ADK: variants seen among roughly 807,000 people sequenced by gnomAD.
ADK encodes N6,N6-dimethyladenosine kinase.
A neutral mutation model predicts 44.7 loss-of-function variants in ADK; 24 were observed. That is an observed-to-expected ratio of 0.54 (90% confidence interval 0.39 to 0.76). The LOEUF (loss-of-function observed/expected upper bound fraction) is 0.76, where lower values mean the gene tolerates loss of function less well. ADK is among the 30% of genes least tolerant of loss of function. The probability of loss-of-function intolerance (pLI) is 0.00; values close to 1 mark genes in which losing one functional copy is unlikely to be tolerated. For synonymous variants in ADK, 128 were observed against 142.6 expected, an observed-to-expected ratio of 0.90 and a Z score of 0.73; for missense variants, 321 against 425.1, an observed-to-expected ratio of 0.76 and a Z score of 2.15.
chr10:74,238,492 C>T (rs144217238), intron 3 of ADK, among the ~76,000 whole-genome samples: 4 of 152,054 alleles, frequency 2.6e-5, no homozygotes, highest in African/African-American at 9.6e-5. Flanking sequence ...TTTCTGGTAT[C>T]GTAATTATTC....
At chr10:74,559,889 G>A (rs1464318285) in intron 7 of ADK, among the ~76,000 whole-genome samples, 1 of 150,502 alleles carries the variant, frequency 6.6e-6, no homozygotes, top group African/African-American at 2.4e-5. Context: ...TTGTATTTGG[G>A]AAATAAATCC....
At chr10:74,479,277 G>C (rs1846976215) in intron 6 of ADK, among the ~76,000 whole-genome samples, 1 of 152,080 alleles carries the variant, frequency 6.6e-6, no homozygotes, top group Admixed American at 6.6e-5. Context: ...TTACAGGCAT[G>C]ACCCATCGTG....
At chr10:74,350,380 G>A (rs1321738991) in intron 4 of ADK, among the ~76,000 whole-genome samples, 1 of 152,042 alleles carries the variant, frequency 6.6e-6, no homozygotes, top group African/African-American at 2.4e-5. Context: ...AGAACAAAGA[G>A]AAAACGTACC....
chr10:74,526,634 A>T (rs534103691), intron 7 of ADK, among the ~76,000 whole-genome samples: 1 of 152,350 alleles, frequency 6.6e-6, no homozygotes, highest in African/African-American at 2.4e-5. Context: ...CTGGGTAAAG[A>T]TTAAAGGATG....
At chr10:74,225,230 A>G (rs1844490000) in intron 3 of ADK, among the ~76,000 whole-genome samples, 1 of 152,158 alleles carries the variant, frequency 6.6e-6, no homozygotes, top group Non-Finnish European at 1.5e-5. Context: ...GGTGCCCGCC[A>G]CCATGCCTGG....
At chr10:74,556,364 T>C (rs1009745529) in intron 7 of ADK, among the ~76,000 whole-genome samples, 10 of 152,222 alleles carry the variant, frequency 6.6e-5, no homozygotes, top group African/African-American at 2.2e-4. Context: ...TCCATAACCT[T>C]CTCAGTGCAG....
intron 4 of ADK, among the ~76,000 whole-genome samples, chr10:74,316,224 A>G (rs1315802283): frequency 6.6e-6 from 1 of 151,740 alleles, no homozygotes; most frequent in African/African-American, 2.4e-5. Flanking sequence ...TGGGCAACAG[A>G]GTGAGACTCC....
At chr10:74,240,237 G>A (rs1427675152) in intron 3 of ADK, among the ~76,000 whole-genome samples, 2 of 152,082 alleles carry the variant, frequency 1.3e-5, no homozygotes, top group East Asian at 1.9e-4. Flanking sequence ...CTGGTGCACA[G>A]CATTTTGTTG....
At chr10:74,369,672 A>C (rs1243241367) in intron 4 of ADK, among the ~76,000 whole-genome samples, 2 of 152,086 alleles carry the variant, frequency 1.3e-5, no homozygotes, top group Non-Finnish European at 2.9e-5. Context: ...TAAGGAACCA[A>C]TGGTAATATT....
chr10:74,582,505 T>G (rs931007232), intron 7 of ADK, among the ~76,000 whole-genome samples: 2 of 152,186 alleles, frequency 1.3e-5, no homozygotes, highest in Non-Finnish European at 2.9e-5. Context: ...TAATTTGTTC[T>G]TTAGTTACCA....
chr10:74,706,899 A>T (rs565035188), intron 10 of ADK, among the ~76,000 whole-genome samples: 1 of 152,158 alleles, frequency 6.6e-6, no homozygotes, highest in African/African-American at 2.4e-5. Context: ...GGCTTCTTTT[A>T]TATTTCTCAG....
At chr10:74,257,095 G>T (rs1845851759) in intron 3 of ADK, among the ~76,000 whole-genome samples, 1 of 152,138 alleles carries the variant, frequency 6.6e-6, no homozygotes, top group South Asian at 2.1e-4. Flanking sequence ...GGTAAAAATT[G>T]AAGACAACTG....
intron 7 of ADK, among the ~76,000 whole-genome samples, chr10:74,533,874 C>G (rs1369915236): frequency 6.6e-6 from 1 of 152,158 alleles, no homozygotes; most frequent in African/African-American, 2.4e-5. Context: ...GGAAAACAAA[C>G]CAAACATCCA....
chr10:74,394,239 T>G lies in ADK; in HGVS notation c.372T>G (p.His124Gln). The G allele has an allele frequency of 6.2e-7, 1 of 1,614,074 alleles. No homozygotes were observed. Among genetic ancestry groups the G allele is most frequent in the South Asian group, 1.1e-5 (1 of 91,092 alleles). Residue 124 changes from histidine (H) to glutamine (Q), a missense_variant, in exon 5 of 11, where the codon CAT becomes CAG. Coordinates refer to ENST00000539909, the MANE Select transcript of ADK (RefSeq NM_006721.4). ...EILKRKAAEA[H>Q]VDAHYYEQNE... Reference sequence around the variant, plus strand: ...TGAAGAGAAAAGCTGCTGAAGCCCATGTGGATGCTCATTACTACGAGCAGA... The same window carrying G: ...TGAAGAGAAAAGCTGCTGAAGCCCAGGTGGATGCTCATTACTACGAGCAGA...
chr10:74,400,072 G>C (rs1419834598), intron 6 of ADK, among the ~76,000 whole-genome samples: 2 of 152,094 alleles, frequency 1.3e-5, no homozygotes, highest in African/African-American at 2.4e-5. Context: ...ATATTTGGGT[G>C]AATGGAGTTT....
intron 9 of ADK, among the ~76,000 whole-genome samples, chr10:74,653,595 TTTG>T (rs1224917993): frequency 6.6e-6 from 1 of 152,158 alleles, no homozygotes; most frequent in African/African-American, 2.4e-5. Flanking sequence ...CTTGAGAGGT[TTTG>T]TTGTTGTTGT....
chr10:74,363,847 G>A (rs1178854578), intron 4 of ADK, among the ~76,000 whole-genome samples: 1 of 152,174 alleles, frequency 6.6e-6, no homozygotes, highest in Non-Finnish European at 1.5e-5. Context: ...GGAGGTTGGC[G>A]TGCCTGTCTC....
At chr10:74,203,815 A>G (rs934622597) in intron 2 of ADK, among the ~76,000 whole-genome samples, 4 of 151,552 alleles carry the variant, frequency 2.6e-5, no homozygotes, top group African/African-American at 7.3e-5. Context: ...TTCCATATGA[A>G]TTTTTGGGGA....
chr10:74,300,350 CCTTCCTTCCTTTCTTT>C (rs1839985713), intron 3 of ADK, among the ~76,000 whole-genome samples: 3 of 64,454 alleles, frequency 4.7e-5, no homozygotes, highest in Non-Finnish European at 7.8e-5. Context: ...TTCCTTCCTT[CCTTCCTTCCTTTCTTT>C]CTTTCTTCTT....
Sources: allele counts gnomAD v4.1 joint callset (sites outside exome capture counted in the v4.1 genomes callset), GRCh38; gene constraint gnomAD v4.1.1; transcripts MANE v1.5; gene names NCBI Gene and HGNC (gene_info 2026-07-23, HGNC 2026-07-21).